The following PHEX variants were observed in gnomAD, a reference collection of about 807,000 sequenced individuals.
PHEX encodes phosphate-regulating neutral endopeptidase PHEX.
PHEX carries 16 observed loss-of-function variants against 68.0 expected under a neutral mutation model. The observed-to-expected ratio is 0.24, with a 90% CI of 0.16 to 0.36. PHEX has a LOEUF of 0.36. Among genes scored for constraint, PHEX ranks in the 10% least tolerant of loss-of-function variants. The probability of loss-of-function intolerance (pLI) is 1.00; values close to 1 mark genes in which losing one functional copy is unlikely to be tolerated. For missense variants in PHEX, 480 were observed against 575.5 expected, an observed-to-expected ratio of 0.83 and a Z score of 1.70; for synonymous variants, 208 against 205.1, an observed-to-expected ratio of 1.01 and a Z score of -0.12.
At chrX:22,048,461 G>A (rs1242200337) in intron 3 of PHEX, among the ~76,000 whole-genome samples, 2 of 111,188 alleles carry the variant, frequency 1.8e-5, no homozygotes, top group Admixed American at 1.9e-4. Flanking sequence ...TTAATAGACA[G>A]ATGTGTACAC....
At chrX:22,092,160 C>T (rs2147037645) in intron 6 of PHEX, among the ~76,000 whole-genome samples, 1 of 111,656 alleles carries the variant, frequency 9.0e-6, no homozygotes, top group East Asian at 2.8e-4. Context: ...ATTTTTCTCT[C>T]AGATCTTCAG....
intron 20 of PHEX, among the ~76,000 whole-genome samples, chrX:22,228,924 C>T (rs943966966): frequency 9.0e-6 from 1 of 111,169 alleles, no homozygotes; most frequent in East Asian, 2.8e-4. Context: ...ATGTTCCCCT[C>T]TCTGTGTCTA....
chrX:22,234,235 C>A (rs991653496), intron 20 of PHEX, among the ~76,000 whole-genome samples: 2 of 112,469 alleles, frequency 1.8e-5, no homozygotes, highest in Admixed American at 9.4e-5. Context: ...CGGCCCCTAC[C>A]GGGAGGTGTC....
intron 15 of PHEX, among the ~76,000 whole-genome samples, chrX:22,209,543 A>C (rs1934822436): frequency 9.1e-6 from 1 of 109,953 alleles, no homozygotes. Flanking sequence ...GAGATGACTA[A>C]ATTGATCTCC....
Position 22,033,024 on chromosome X carries a change from A to G in PHEX, c.19A>G (p.Ser7Gly). 8.3e-7 allele frequency: 1 copy of G among 1,206,375 alleles called. No individual in the cohort carries two copies. The highest frequency in any genetic ancestry group is 1.1e-6 in the Non-Finnish European group (1 of 891,421). MEAETG[S>G]SVETGKKANR... ...CCTTCTGATGGAAGCAGAAACAGGGAGCAGCGTGGAGACTGGAAAGAAGGC... is the reference window on the plus strand; with the variant it reads ...CCTTCTGATGGAAGCAGAAACAGGGGGCAGCGTGGAGACTGGAAAGAAGGC... Residue 7 changes from serine to glycine, a missense_variant, in exon 1 of 22, where the codon AGC becomes GGC. Physicochemically the swap from Ser to Gly is moderately conservative, Grantham distance 56. Transcript: ENST00000379374.
intron 15 of PHEX, among the ~76,000 whole-genome samples, chrX:22,202,443 A>T (rs749735427): frequency 3.6e-5 from 4 of 111,936 alleles, no homozygotes; most frequent in Non-Finnish European, 7.5e-5. Context: ...GGGTTTTGAA[A>T]TGCATCTTAC....
At chrX:22,163,376 CAGTA>C (rs1196893439) in intron 12 of PHEX, 1 of 111,079 alleles carries the variant, frequency 9.0e-6, no homozygotes, top group Non-Finnish European at 1.9e-5. Flanking sequence ...GGAGTCCTGA[CAGTA>C]AGAGAAGAAA....
At chrX:22,109,123 G>T (rs1463211770) in intron 9 of PHEX, among the ~76,000 whole-genome samples, 1 of 111,577 alleles carries the variant, frequency 9.0e-6, no homozygotes, top group Non-Finnish European at 1.9e-5. Context: ...GAAATTGGCA[G>T]AAGTGACCCT....
At chrX:22,239,657 T>C (rs751061135) in intron 20 of PHEX, among the ~76,000 whole-genome samples, 3 of 110,292 alleles carry the variant, frequency 2.7e-5, no homozygotes, top group Non-Finnish European at 5.7e-5. Flanking sequence ...GAAGATCAAC[T>C]CAATGAAATA....
At position 22,139,654 on chromosome X, in the gene PHEX, C is replaced by G. The variant is rs775709779; in HGVS notation, c.1404+6030C>G. On this transcript the variant is annotated intron_variant, in intron 12 of 21. Coordinates refer to ENST00000379374, the MANE Select transcript of PHEX (RefSeq NM_000444.6). ...CCACCCACCTTAGCCTTCTGAGTAC[C>G]TGGAACTATAGGTGTGTGCCCCCAC... is the stretch of plus-strand genomic sequence containing the variant. 2.8e-3 allele frequency among the ~76,000 whole-genome samples: 301 copies of G among 108,246 alleles called. 2 individuals carry two copies. Among genetic ancestry groups the G allele is most frequent in the African/African-American group, 9.8e-3 (291 of 29,579 alleles). 94.0% of individuals were successfully genotyped at this position (108,246 alleles called of 115,157 possible). A position where few individuals can be genotyped will look rare whatever the true frequency, so the allele number is the denominator to read the frequency against.
chrX:22,168,421 T>C, intron 13 of PHEX, 32 bp downstream of exon 13: 1 of 983,740 alleles, frequency 1.0e-6, no homozygotes, highest in Non-Finnish European at 1.5e-6. Flanking sequence ...CTTTTTTTTT[T>C]CTGGCAAGTT....
chrX:22,053,460 G>C (rs183255701), intron 3 of PHEX, among the ~76,000 whole-genome samples: 2 of 111,436 alleles, frequency 1.8e-5, no homozygotes, highest in Non-Finnish European at 3.8e-5. Context: ...CTCAGATTCC[G>C]ACTTGGGAAA....
chrX:22,185,115 T>G (rs1933988016), intron 14 of PHEX, among the ~76,000 whole-genome samples: 2 of 112,124 alleles, frequency 1.8e-5, no homozygotes, highest in African/African-American at 6.5e-5. Flanking sequence ...ATGTATCTCA[T>G]TCTCCAGTAT....
At chrX:22,151,996 C>T (rs1463086993) in intron 12 of PHEX, among the ~76,000 whole-genome samples, 2 of 112,028 alleles carry the variant, frequency 1.8e-5, no homozygotes, top group Non-Finnish European at 3.8e-5. Context: ...AATATGGTTA[C>T]TAATGCAGAT....
At chrX:22,173,356 A>G (rs1398974438) in intron 13 of PHEX, among the ~76,000 whole-genome samples, 4 of 110,570 alleles carry the variant, frequency 3.6e-5, no homozygotes, top group Non-Finnish European at 5.7e-5. Flanking sequence ...CCCAGTGTGG[A>G]GATGGGACAT....
intron 5 of PHEX, among the ~76,000 whole-genome samples, chrX:22,089,794 C>G: frequency 8.9e-6 from 1 of 112,121 alleles, no homozygotes; most frequent in Non-Finnish European, 1.9e-5. Flanking sequence ...ATTTAGTTGT[C>G]TGGTTATTAT....
In PHEX at chrX:22,227,499, C is replaced by G. The variant is rs1334566124; in HGVS notation, c.1966-8C>G. ...GCAGAGACTCATCTCTTCTTCTTCT[C>G]TCACCAGGCTTACAGGAAATGGATA... is the stretch of plus-strand genomic sequence containing the variant. On this transcript the variant is annotated splice_region_variant and splice_polypyrimidine_tract_variant and intron_variant, in intron 19 of 21. Transcript: ENST00000379374. 9 of 1,163,835 alleles carry G rather than the reference C, an allele frequency of 7.7e-6. No individual in the cohort carries two copies. Among genetic ancestry groups the G allele is most frequent in the Non-Finnish European group, 1.1e-5 (9 of 853,047 alleles).
intron 11 of PHEX, among the ~76,000 whole-genome samples, chrX:22,123,028 C>G (rs1380991325): frequency 9.4e-5 from 9 of 95,367 alleles, no homozygotes; most frequent in Non-Finnish European, 1.6e-4. Context: ...CTGGCTCTGT[C>G]CCCCAGGCTG....
intron 14 of PHEX, among the ~76,000 whole-genome samples, chrX:22,180,093 T>C (rs1324574550): frequency 3.6e-5 from 4 of 110,456 alleles, no homozygotes; most frequent in African/African-American, 6.6e-5. Context: ...ATGTCTCCAC[T>C]CAGTTTTTTA....
Sources: gnomAD v4.1 joint callset for allele counts (sites outside exome capture counted in the v4.1 genomes callset) on GRCh38, gnomAD v4.1.1 for gene constraint, MANE v1.5 for transcripts, NCBI Gene and HGNC (gene_info 2026-07-23, HGNC 2026-07-21) for gene names.